Variants in GOLGA1 observed in about 807,000 individuals in gnomAD.
The protein encoded by GOLGA1 is golgin subfamily A member 1.
In GOLGA1, 63 loss-of-function variants were observed where a neutral mutation model predicts 119.7. The observed-to-expected ratio is 0.53, with a 90% CI of 0.43 to 0.65. The LOEUF is 0.65. Among genes scored for constraint, GOLGA1 ranks in the 30% least tolerant of loss-of-function variants. The pLI, the probability that GOLGA1 is intolerant of heterozygous loss-of-function variation, is 0.00. For synonymous variants in GOLGA1, 318 were observed against 333.4 expected, an observed-to-expected ratio of 0.95 and a Z score of 0.50; for missense variants, 798 against 912.8, an observed-to-expected ratio of 0.87 and a Z score of 1.62.
intron 11 of GOLGA1, among the ~76,000 whole-genome samples, chr9:124,909,633 TGTAGACTTAGCTGAGATA>T (rs1249618153): frequency 7.0e-6 from 1 of 143,486 alleles, no homozygotes; most frequent in East Asian, 2.0e-4. Context: ...AAAAAAGAAA[TGTAGACTTAGCTGAGATA>T]GCTGTTACTG....
At chr9:124,907,603 A>C (rs1431334190) in intron 12 of GOLGA1, among the ~76,000 whole-genome samples, 1 of 152,242 alleles carries the variant, frequency 6.6e-6, no homozygotes, top group South Asian at 2.1e-4. Flanking sequence ...TACAAACCAA[A>C]TAAGAAAAGA....
intron 11 of GOLGA1, 149 bp from the exon 12 acceptor site, chr9:124,908,621 T>C (rs930057921): frequency 1.6e-6 from 1 of 629,952 alleles, no homozygotes; most frequent in Admixed American, 2.5e-5. Context: ...ATAATTCACA[T>C]ATCATAAAGT....
chr9:124,883,947 C>T (rs1036241631), intron 19 of GOLGA1, among the ~76,000 whole-genome samples: 5 of 151,976 alleles, frequency 3.3e-5, no homozygotes, highest in African/African-American at 1.2e-4. Context: ...ATTCCATACA[C>T]ATTCCATTAT....
chr9:124,938,203 A>T (rs1830916915), intron 3 of GOLGA1, among the ~76,000 whole-genome samples: 1 of 152,234 alleles, frequency 6.6e-6, no homozygotes, highest in East Asian at 1.9e-4. Context: ...ACCACAACTC[A>T]GAGACCTTGT....
intron 7 of GOLGA1, among the ~76,000 whole-genome samples, chr9:124,925,900 T>C (rs1830662620): frequency 6.6e-6 from 1 of 152,220 alleles, no homozygotes; most frequent in Non-Finnish European, 1.5e-5. Context: ...AATATATTAC[T>C]TAAGGTACCT....
At chr9:124,927,237 C>G (rs1218227960) in intron 6 of GOLGA1, among the ~76,000 whole-genome samples, 1 of 152,118 alleles carries the variant, frequency 6.6e-6, no homozygotes, top group South Asian at 2.1e-4. Flanking sequence ...ATGCTTTATG[C>G]CATCTGTGTA....
chr9:124,907,620 C>A (rs1267734285), intron 12 of GOLGA1, among the ~76,000 whole-genome samples: 3 of 152,072 alleles, frequency 2.0e-5, no homozygotes, highest in Non-Finnish European at 4.4e-5. Context: ...AAGACTGAAA[C>A]CCCCAAAGAA....
chr9:124,930,224 G>A (rs1252569497), intron 4 of GOLGA1, among the ~76,000 whole-genome samples: 1 of 152,060 alleles, frequency 6.6e-6, no homozygotes, highest in Non-Finnish European at 1.5e-5. Context: ...CTACCATATG[G>A]GGAAGGTATA....
intron 15 of GOLGA1, among the ~76,000 whole-genome samples, chr9:124,894,135 A>G (rs554342147): frequency 6.6e-6 from 1 of 152,106 alleles, no homozygotes; most frequent in Non-Finnish European, 1.5e-5. Flanking sequence ...TCACTACTCA[A>G]TCCTTCTTGT....
intron 20 of GOLGA1, 140 bp downstream of exon 20, chr9:124,882,370 G>A (rs868346890): frequency 2.7e-5 from 18 of 661,148 alleles, no homozygotes; most frequent in Admixed American, 1.4e-4. Context: ...ACCAGCTAAC[G>A]TTGGATTGCC....
chr9:124,923,234 G>C lies in GOLGA1; in HGVS notation c.433-11C>G. On this transcript the variant is annotated splice_polypyrimidine_tract_variant and intron_variant, in intron 7 of 22. Transcript: ENST00000373555. Reference sequence around the variant, plus strand: ...CAGAATATTTTTCTCCTATTTGAAAGAAGAAGACATCAACTCAGGCAACGA... The same window carrying C: ...CAGAATATTTTTCTCCTATTTGAAACAAGAAGACATCAACTCAGGCAACGA... 8 of 1,576,742 alleles carry C rather than the reference G, an allele frequency of 5.1e-6. No homozygotes were observed. The highest frequency in any genetic ancestry group is 6.9e-6 in the Non-Finnish European group (8 of 1,154,640).
At position 124,929,236 on chromosome 9, in the gene GOLGA1, G is replaced by C. The variant is rs1402950239; in HGVS notation, c.281C>G (p.Ala94Gly). ...LQKIKEKLEIALEKHQDSSMR... is the reference protein window; with the variant it reads ...LQKIKEKLEIGLEKHQDSSMR... ...CGTACAATCCTGGTGTTTTTCTAAT[G>C]CAATTTCAAGCTTCTCTTTTATCTT... The change falls in exon 5 of 23, where the codon GCA becomes GGA. Residue 94 changes from alanine to glycine, a missense_variant. Physicochemically the swap from Ala to Gly is moderately conservative, Grantham distance 60. Coordinates refer to ENST00000373555, the MANE Select transcript of GOLGA1 (RefSeq NM_002077.4). 6.2e-7 allele frequency: 1 copy of C among 1,604,674 alleles called. No homozygotes were observed.
intron 11 of GOLGA1, among the ~76,000 whole-genome samples, chr9:124,909,697 G>C (rs1306817754): frequency 3.3e-5 from 5 of 151,718 alleles, no homozygotes; most frequent in Non-Finnish European, 7.4e-5. Flanking sequence ...GCACAGATTT[G>C]AGGCCTTGCT....
chr9:124,925,854 CTT>C (rs1379726117), intron 7 of GOLGA1, among the ~76,000 whole-genome samples: 1 of 152,138 alleles, frequency 6.6e-6, no homozygotes, highest in Non-Finnish European at 1.5e-5. Context: ...CAATTGTAGA[CTT>C]GAAATTTCAT....
chr9:124,894,901 C>T (rs1829929277), intron 15 of GOLGA1, among the ~76,000 whole-genome samples: 1 of 139,752 alleles, frequency 7.2e-6, no homozygotes, highest in Non-Finnish European at 1.6e-5. Context: ...AACAGAGACC[C>T]ATCCAAAACA....
intron 20 of GOLGA1, 149 bp from the exon 21 acceptor site, chr9:124,882,103 A>T (rs1829600733): frequency 1.6e-6 from 1 of 621,724 alleles, no homozygotes. Flanking sequence ...GGTAGGCTTG[A>T]GGAGGGAGTG....
chr9:124,887,033 G>T (rs553694242), intron 19 of GOLGA1, among the ~76,000 whole-genome samples: 3 of 152,178 alleles, frequency 2.0e-5, no homozygotes, highest in Non-Finnish European at 4.4e-5. Flanking sequence ...GAAGAGTTGG[G>T]TTTAGCCCAA....
chr9:124,923,003 T>C, intron 8 of GOLGA1, 92 bp downstream of exon 8: 1 of 766,786 alleles, frequency 1.3e-6, no homozygotes, highest in South Asian at 1.6e-5. Context: ...ATTACTGGTG[T>C]ATGTTTATCA....
At chr9:124,913,832 G>C (rs1830385503) in intron 10 of GOLGA1, among the ~76,000 whole-genome samples, 1 of 152,228 alleles carries the variant, frequency 6.6e-6, no homozygotes. Flanking sequence ...TTAACTGGGA[G>C]AATCAGATCA....
Sources: allele counts gnomAD v4.1 joint callset (sites outside exome capture counted in the v4.1 genomes callset), GRCh38; gene constraint gnomAD v4.1.1; transcripts MANE v1.5; gene names NCBI Gene and HGNC (gene_info 2026-07-23, HGNC 2026-07-21).